Variants in AQP2 observed in about 807,000 individuals in gnomAD.
The protein encoded by AQP2 is aquaporin 2, also known as aquaporin-2.
A neutral mutation model predicts 21.6 loss-of-function variants in AQP2; 20 were observed. The ratio of observed to expected loss-of-function variants is 0.92; its 90% CI spans 0.65 to 1.34. The LOEUF (loss-of-function observed/expected upper bound fraction) is 1.34. Among genes scored for constraint, AQP2 ranks in the 40% most tolerant of loss-of-function variants. AQP2 has a pLI of 0.00. For missense variants in AQP2, 325 were observed against 363.4 expected (o/e 0.89, Z 0.86); for synonymous variants, 168 against 166.9 (o/e 1.01, Z -0.05).
intron 1 of AQP2, among the ~76,000 whole-genome samples, chr12:49,953,345 T>C (rs890043302): frequency 7.9e-5 from 12 of 152,150 alleles, no homozygotes; most frequent in African/African-American, 2.4e-5. Context: ...AGGCAGGGTG[T>C]AGGGTACAGG....
rs1253955671 is a variant in AQP2, at chr12:49,954,251, C to T, written c.457C>T (p.Arg153Cys). Residue 153 changes from arginine to cysteine, a missense_variant, in exon 2 of 4, where the codon CGC becomes TGC. Transcript: ENST00000199280. ...LCIFASTDER[R>C]GENPGTPALS... ...CATCTTCGCCTCCACCGATGAGCGC[C>T]GCGGAGAGAACCCGGGCACCCCTGC... The T allele has an allele frequency of 3.1e-6, 5 of 1,607,180 alleles. No homozygotes were observed. Among genetic ancestry groups the T allele is most frequent in the Admixed American group, 1.7e-5 (1 of 60,016 alleles).
At position 49,955,619 on chromosome 12, in the gene AQP2, C is replaced by A. The variant is rs973821369; in HGVS notation, c.*11C>A. The A allele has an allele frequency of 1.3e-6, 2 of 1,544,942 alleles. No homozygotes were observed. The highest frequency in any genetic ancestry group is 1.4e-5 in the African/African-American group (1 of 73,272). ...GGTACCAAGGCCTGAGGGCCGCCAG[C>A]GGCCTCTACGGCCCCGACGGACGCT... is the stretch of plus-strand genomic sequence containing the variant. On this transcript the variant is annotated 3_prime_UTR_variant, in exon 4 of 4. Coordinates refer to ENST00000199280, the MANE Select transcript of AQP2 (RefSeq NM_000486.6).
chr12:49,951,307 A>G (rs1404494470), intron 1 of AQP2, 117 bp downstream of exon 1: 2 of 1,375,430 alleles, frequency 1.5e-6, no homozygotes, highest in South Asian at 1.5e-5. Flanking sequence ...AGACAGAGGC[A>G]GAGAGAGAGG....
rs959834754 is a variant in AQP2 at position 49,951,127 on chromosome 12, C to T, written c.297C>T (p.Ala99=). 49 of 1,605,148 alleles carry T rather than the reference C, an allele frequency of 3.1e-5. No individual in the cohort carries two copies. Among genetic ancestry groups the T allele is most frequent in the Non-Finnish European group, 4.2e-5 (49 of 1,173,854 alleles). The change falls in exon 1 of 4, where the codon GCC becomes GCT. Residue 99 remains alanine, a synonymous_variant. Coordinates refer to ENST00000199280, the MANE Select transcript of AQP2 (RefSeq NM_000486.6). ...CTGCCCAGCTGCTGGGGGCTGTGGC[C>T]GGAGCCGCTCTGCTCCATGAGATCA... is the stretch of plus-strand genomic sequence containing the variant. ...YVAAQLLGAV[A]GAALLHEITP...
At chr12:49,954,576 T>A in intron 2 of AQP2, 54 bp from the exon 3 acceptor site, 1 of 1,589,984 alleles carries the variant, frequency 6.3e-7, no homozygotes, top group South Asian at 1.1e-5. Flanking sequence ...GGACAAGGAC[T>A]TCCTGCCCTG....
At chr12:49,954,768 C>G in intron 3 of AQP2, 58 bp downstream of exon 3, 1 of 1,556,906 alleles carries the variant, frequency 6.4e-7, no homozygotes, top group African/African-American at 1.4e-5. Context: ...AGAGGGAGAA[C>G]AAGAGCTGGA....
chr12:49,953,015 A>C (rs1269537264), intron 1 of AQP2, among the ~76,000 whole-genome samples: 1 of 152,220 alleles, frequency 6.6e-6, no homozygotes, highest in African/African-American at 2.4e-5. Flanking sequence ...TCACAGAACC[A>C]ATATGTCATT....
In AQP2 at chr12:49,955,675, G is replaced by T. The variant is rs1376205913; in HGVS notation, c.*67G>T. 3.3e-6 allele frequency: 5 copies of T among 1,506,860 alleles called. No individual in the cohort carries two copies. The highest frequency in any genetic ancestry group is 4.5e-6 in the Non-Finnish European group (5 of 1,122,790). The allele number at this position is 1,506,860 out of a possible 1,614,324, so 93.3% of individuals were successfully genotyped here. ...GGCCCGAGGCAGAAGGGCCCACCCCGTCCCTCCTCTCCCGCAGGTCTGAAG... is the reference window on the plus strand; with the variant it reads ...GGCCCGAGGCAGAAGGGCCCACCCCTTCCCTCCTCTCCCGCAGGTCTGAAG... On this transcript the variant is annotated 3_prime_UTR_variant, in exon 4 of 4. Transcript: ENST00000199280.
rs1253332037 is a variant in AQP2 at position 49,955,823 on chromosome 12, G to A, written c.*215G>A. The stretch of plus-strand genomic sequence containing the variant: ...CTGGCAGGTCCCCTGCCCTGAGGCT[G>A]TGAGCAGCTAGTGGTGGCTTCTCCA... On this transcript the variant is annotated 3_prime_UTR_variant, in exon 4 of 4. Transcript: ENST00000199280. 5.5e-6 allele frequency: 4 copies of A among 724,612 alleles called. No individual in the cohort carries two copies. Among genetic ancestry groups the A allele is most frequent in the Non-Finnish European group, 9.7e-6 (4 of 411,432 alleles). 44.9% of individuals were successfully genotyped at this position (724,612 alleles called of 1,614,324 possible).
chr12:49,957,554 C>T lies in AQP2; in HGVS notation c.*1946C>T, dbSNP rs144000063. ...AAGAAAGACAGTGTATAAGGAACAT[C>T]TCTGTAATTGTGTCCCCTCTCATCT... On this transcript the variant is annotated 3_prime_UTR_variant, in exon 4 of 4. Transcript: ENST00000199280. 6.6e-6 allele frequency: 1 copy of T among 152,426 alleles called. No homozygotes were observed. Among genetic ancestry groups the T allele is most frequent in the Non-Finnish European group, 1.5e-5 (1 of 68,086 alleles). The allele number at this position is 152,426 out of a possible 1,614,324, so 9.4% of individuals were successfully genotyped here.
chr12:49,955,679 C>T lies in AQP2; in HGVS notation c.*71C>T, dbSNP rs1947364232. 2.0e-6 allele frequency: 3 copies of T among 1,503,634 alleles called. No homozygotes were observed. Among genetic ancestry groups the T allele is most frequent in the Non-Finnish European group, 1.8e-6 (2 of 1,119,984 alleles). 93.1% of individuals were successfully genotyped at this position (1,503,634 alleles called of 1,614,324 possible). Reference sequence around the variant, plus strand: ...CGAGGCAGAAGGGCCCACCCCGTCCCTCCTCTCCCGCAGGTCTGAAGTTGG... The same window carrying T: ...CGAGGCAGAAGGGCCCACCCCGTCCTTCCTCTCCCGCAGGTCTGAAGTTGG... On this transcript the variant is annotated 3_prime_UTR_variant, in exon 4 of 4. Transcript: ENST00000199280.
In AQP2 at chr12:49,955,352, GCCGGT is replaced by G. The variant is rs751273581; in HGVS notation, c.607-46_607-42del. ...CCGCCGGGGCCTGCGGGCTCCGCGTGCCGGTGCCGGCGCGGGTGCCAAGCCGCCCT... is the reference window on the plus strand; with the variant it reads ...CCGCCGGGGCCTGCGGGCTCCGCGTGGCCGGCGCGGGTGCCAAGCCGCCCT... On this transcript the variant is annotated intron_variant, in intron 3 of 3. Coordinates refer to ENST00000199280, the MANE Select transcript of AQP2 (RefSeq NM_000486.6). 4.7e-5 allele frequency: 75 copies of G among 1,590,070 alleles called. No individual in the cohort carries two copies. In the African/African-American group the frequency reaches 9.4e-4, roughly 20 times the overall value.
At chr12:49,951,625 C>T (rs1182638440) in intron 1 of AQP2, 7 of 170,346 alleles carry the variant, frequency 4.1e-5, no homozygotes, top group East Asian at 3.3e-4. Flanking sequence ...TTGCAGGTCC[C>T]GTGGCAGGTG....
At position 49,954,581 on chromosome 12, in the gene AQP2, GC is replaced by G. The variant is rs1385894821; in HGVS notation, c.526-46del. 5.0e-6 allele frequency: 8 copies of G among 1,594,758 alleles called. No homozygotes were observed. The African/African-American group carries it at 6.7e-5, about 13-fold the overall frequency. The stretch of plus-strand genomic sequence containing the variant: ...CTGCAGTGCGGGACAAGGACTTCCT[GC>G]CCTGTCCTCACCTCCCTTCTCTCTT... On this transcript the variant is annotated intron_variant, in intron 2 of 3. Transcript: ENST00000199280.
At chr12:49,955,288 G>T (rs1455557008) in intron 3 of AQP2, 111 bp from the exon 4 acceptor site, 4 of 1,103,952 alleles carry the variant, frequency 3.6e-6, no homozygotes, top group South Asian at 3.2e-5. Flanking sequence ...CATTTTACTA[G>T]ATTAATGTCG....
At position 49,955,543 on chromosome 12, in the gene AQP2, G is replaced by T; in HGVS notation, c.751G>T (p.Val251Leu). 6.2e-7 allele frequency: 1 copy of T among 1,608,104 alleles called. No homozygotes were observed. ...GGACACCGATTGGGAGGAGCGCGAGGTGCGACGGCGGCAGTCGGTGGAGCT... is the reference window on the plus strand; with the variant it reads ...GGACACCGATTGGGAGGAGCGCGAGTTGCGACGGCGGCAGTCGGTGGAGCT... ...EPDTDWEEREVRRRQSVELHS... is the reference protein window; with the variant it reads ...EPDTDWEERELRRRQSVELHS... Residue 251 changes from valine (V) to leucine (L), a missense_variant, in exon 4 of 4, where the codon GTG (valine) becomes TTG (leucine). Val to Leu is a conservative substitution (Grantham distance 32). Transcript: ENST00000199280.
At position 49,957,142 on chromosome 12, in the gene AQP2, G is replaced by A. The variant is rs772839440; in HGVS notation, c.*1534G>A. On this transcript the variant is annotated 3_prime_UTR_variant, in exon 4 of 4. Coordinates refer to ENST00000199280, the MANE Select transcript of AQP2 (RefSeq NM_000486.6). ...TGGGGGAAGGATGCAGAAGGAGTCTGATGCTCAACATCCCTTACCTCCTTT... is the reference window on the plus strand; with the variant it reads ...TGGGGGAAGGATGCAGAAGGAGTCTAATGCTCAACATCCCTTACCTCCTTT... The A allele has an allele frequency of 6.6e-5, 10 of 152,470 alleles. No homozygotes were observed. Among genetic ancestry groups the A allele is most frequent in the Admixed American group, 1.3e-4 (2 of 15,282 alleles). 9.4% of individuals were successfully genotyped at this position (152,470 alleles called of 1,614,324 possible).
intron 1 of AQP2, among the ~76,000 whole-genome samples, chr12:49,953,864 CCTCTCATACTGCA>C (rs1947346798): frequency 6.6e-6 from 1 of 152,218 alleles, no homozygotes; most frequent in South Asian, 2.1e-4. Flanking sequence ...GCATTCTTTT[CCTCTCATACTGCA>C]GGCTCCCAGC....
Position 49,951,494 on chromosome 12 carries a change from A to G in AQP2, c.360+304A>G, listed in dbSNP as rs1412918952. The G allele has an allele frequency of 7.3e-6, 3 of 408,652 alleles. No individual in the cohort carries two copies. The South Asian group carries it at 1.9e-4, about 25-fold the overall frequency. The allele number at this position is 408,652 out of a possible 1,614,324, so 25.3% of individuals were successfully genotyped here. ...TACATTACAGTGAAGACAGGGCTAT[A>G]CCTCAGCAGGGGTTGGTGTCCCGAG... On this transcript the variant is annotated intron_variant, in intron 1 of 3. Transcript: ENST00000199280.
Sources: gnomAD v4.1 joint callset for allele counts (sites outside exome capture counted in the v4.1 genomes callset) on GRCh38, gnomAD v4.1.1 for gene constraint, MANE v1.5 for transcripts, NCBI Gene and HGNC (gene_info 2026-07-23, HGNC 2026-07-21) for gene names.